Variants in MED12L observed in about 807,000 individuals in gnomAD.
MED12L encodes mediator complex subunit 12L, also known as mediator of RNA polymerase II transcription subunit 12-like protein.
In MED12L, 60 loss-of-function variants were observed where a neutral mutation model predicts 281.3. The observed-to-expected ratio is 0.21, with a 90% CI of 0.17 to 0.26. The LOEUF (loss-of-function observed/expected upper bound fraction) is 0.26, where lower values mean the gene tolerates loss of function less well. Among genes scored for constraint, MED12L ranks in the 10% least tolerant of loss-of-function variants. The probability of loss-of-function intolerance (pLI) is 1.00; values close to 1 mark genes in which losing one functional copy is unlikely to be tolerated. For synonymous variants in MED12L, 974 were observed against 987.2 expected (o/e 0.99, Z 0.25); for missense variants, 2,146 against 2,680.9 (o/e 0.80, Z 4.41).
intron 23 of MED12L, among the ~76,000 whole-genome samples, chr3:151,366,650 T>C (rs1054667485): frequency 1.3e-5 from 2 of 152,338 alleles, no homozygotes; most frequent in East Asian, 3.9e-4. Context: ...GTATCTCTTA[T>C]GCATAGTTCT....
chr3:151,368,723 TCA>T (rs1755766586), intron 25 of MED12L, among the ~76,000 whole-genome samples: 3 of 88,530 alleles, frequency 3.4e-5, no homozygotes, highest in Admixed American at 1.3e-4. Flanking sequence ...TCATTTCATT[TCA>T]TTTCATTTCA....
At chr3:151,366,436 G>A (rs1050428174) in intron 23 of MED12L, among the ~76,000 whole-genome samples, 2 of 152,182 alleles carry the variant, frequency 1.3e-5, no homozygotes, top group Non-Finnish European at 2.9e-5. Context: ...GGTTACATAA[G>A]AATGTCCAGG....
At chr3:151,212,094 GTTGA>G in intron 16 of MED12L, 3 of 152,276 alleles carry the variant, frequency 2.0e-5, no homozygotes, top group Middle Eastern at 6.8e-3. Context: ...TTCCTCATAT[GTTGA>G]TTATTAAGAA....
chr3:151,327,762 T>G (rs1410411546), intron 16 of MED12L: 3 of 348,820 alleles, frequency 8.6e-6, no homozygotes, highest in East Asian at 8.8e-5. Context: ...AAGAAAGAAA[T>G]AATGACCTCT....
Position 151,417,173 on chromosome 3 carries a change from A to G in MED12L, c.6408+751A>G, listed in dbSNP as rs189439382. The stretch of plus-strand genomic sequence containing the variant: ...AAGGGAATCTCCATTTAACTGAGTG[A>G]TGTGAATTGCATGAATGAGCCCTAC... On this transcript the variant is annotated intron_variant, in intron 43 of 44. Transcript: ENST00000687756. 5.3e-5 allele frequency among the ~76,000 whole-genome samples: 8 copies of G among 152,364 alleles called. No homozygotes were observed. The South Asian group carries it at 8.3e-4, about 16-fold the overall frequency.
chr3:151,416,466 T>C, intron 43 of MED12L, 44 bp downstream of exon 43: 1 of 1,594,762 alleles, frequency 6.3e-7, no homozygotes, highest in East Asian at 2.2e-5. Context: ...GTTTCTTCTT[T>C]AAAAGCAGGT....
intron 39 of MED12L, among the ~76,000 whole-genome samples, chr3:151,408,400 T>C (rs777368530): frequency 6.6e-6 from 1 of 152,236 alleles, no homozygotes; most frequent in African/African-American, 2.4e-5. Flanking sequence ...TTTAGCACTT[T>C]TTAAAATGAG....
chr3:151,396,755 C>A (rs1373583293), intron 39 of MED12L, among the ~76,000 whole-genome samples: 1 of 152,132 alleles, frequency 6.6e-6, no homozygotes, highest in Non-Finnish European at 1.5e-5. Context: ...CTGTTACTGC[C>A]AAATTAACTT....
At chr3:151,210,105 T>A (rs1237693944) in intron 16 of MED12L, among the ~76,000 whole-genome samples, 1 of 152,228 alleles carries the variant, frequency 6.6e-6, no homozygotes, top group Non-Finnish European at 1.5e-5. Context: ...GAAGTGCTTC[T>A]AGATCTTATA....
chr3:151,271,649 C>T (rs572239774), intron 16 of MED12L, among the ~76,000 whole-genome samples: 67 of 152,304 alleles, frequency 4.4e-4, no homozygotes, highest in African/African-American at 1.6e-3. Flanking sequence ...GTGGTATACT[C>T]ATAGAATACC....
intron 16 of MED12L, chr3:151,214,102 A>G (rs1352101299): frequency 6.2e-7 from 1 of 1,614,192 alleles, no homozygotes; most frequent in East Asian, 2.2e-5. Flanking sequence ...AGGAAAAGTC[A>G]GGCTCATCAC....
rs186887673 is a variant in MED12L at position 151,119,986 on chromosome 3, A to C, written c.205-2797A>C. ...GTAATCCCAGCACTTTGGGGGGCTG[A>C]GGCAGGTGGATTATCTGAAGTCAGG... On this transcript the variant is annotated intron_variant, in intron 3 of 44. Coordinates refer to ENST00000687756, the MANE Select transcript of MED12L (RefSeq NM_001393769.1). Among the ~76,000 whole-genome samples the C allele has an allele frequency of 4.6e-5, 7 of 151,322 alleles. No homozygotes were observed. The East Asian group carries it at 1.4e-3, about 29-fold the overall frequency.
chr3:151,318,505 A>G (rs1748583025), intron 16 of MED12L, among the ~76,000 whole-genome samples: 1 of 152,160 alleles, frequency 6.6e-6, no homozygotes. Flanking sequence ...GGTACTGCTC[A>G]TAATTTGACA....
chr3:151,269,825 T>A, intron 16 of MED12L: 1 of 434,390 alleles, frequency 2.3e-6, no homozygotes. Context: ...ATGAAAACGT[T>A]CCAGTCAAAC....
chr3:151,260,679 A>G (rs984933700), intron 16 of MED12L, among the ~76,000 whole-genome samples: 2 of 152,184 alleles, frequency 1.3e-5, no homozygotes, highest in African/African-American at 2.4e-5. Flanking sequence ...GACATTTTAC[A>G]TAAGTACAGC....
At chr3:151,412,134 C>T (rs1424711253) in intron 41 of MED12L, among the ~76,000 whole-genome samples, 2 of 152,198 alleles carry the variant, frequency 1.3e-5, no homozygotes, top group Admixed American at 6.5e-5. Flanking sequence ...TATAGTTCCT[C>T]AGTCACACTA....
At position 151,434,189 on chromosome 3, in the gene MED12L, G is replaced by T. The variant is rs1719837220; in HGVS notation, c.*1385G>T. Reference sequence around the variant, plus strand: ...AATATAGTCAAGCATACTGTGAATAGACTTGTCTATAATGAGCAGACCATG... The same window carrying T: ...AATATAGTCAAGCATACTGTGAATATACTTGTCTATAATGAGCAGACCATG... On this transcript the variant is annotated 3_prime_UTR_variant, in exon 45 of 45. Transcript: ENST00000687756. 6.6e-6 allele frequency: 1 copy of T among 152,170 alleles called. No individual in the cohort carries two copies. The highest frequency in any genetic ancestry group is 1.5e-5 in the Non-Finnish European group (1 of 68,028). The allele number at this position is 152,170 out of a possible 1,614,324, so 9.4% of individuals were successfully genotyped here.
chr3:151,347,477 A>G lies in MED12L; in HGVS notation c.2251-2582A>G, dbSNP rs1752674131. 2.0e-5 allele frequency among the ~76,000 whole-genome samples: 3 copies of G among 152,244 alleles called. No homozygotes were observed. The South Asian group carries it at 6.2e-4, about 31-fold the overall frequency. Reference sequence around the variant, plus strand: ...TGAATTATACTGTAATAAATGCTCCAAAGTCTACTTCCCCTCCTTCTGTGG... The same window carrying G: ...TGAATTATACTGTAATAAATGCTCCGAAGTCTACTTCCCCTCCTTCTGTGG... On this transcript the variant is annotated intron_variant, in intron 16 of 44. Coordinates refer to ENST00000687756, the MANE Select transcript of MED12L (RefSeq NM_001393769.1).
At chr3:151,137,532 C>A (rs1334833434) in intron 5 of MED12L, among the ~76,000 whole-genome samples, 2 of 152,210 alleles carry the variant, frequency 1.3e-5, no homozygotes, top group African/African-American at 4.8e-5. Context: ...GATGTTGTGT[C>A]TAGGCCCCAT....
Sources: gnomAD v4.1 joint callset for allele counts (sites outside exome capture counted in the v4.1 genomes callset) on GRCh38, gnomAD v4.1.1 for gene constraint, MANE v1.5 for transcripts, NCBI Gene and HGNC (gene_info 2026-07-23, HGNC 2026-07-21) for gene names.